MBD5: variants seen among roughly 807,000 people sequenced by gnomAD.
MBD5 encodes the protein methyl-CpG-binding domain protein 5.
A neutral mutation model predicts 117.3 loss-of-function variants in MBD5; 13 were observed. That is an observed-to-expected ratio of 0.11 (90% CI 0.07 to 0.18). The LOEUF (loss-of-function observed/expected upper bound fraction) is 0.18, where lower values mean the gene tolerates loss of function less well. Ranked by LOEUF, MBD5 falls within the 10% of genes least tolerant of loss-of-function variation. The pLI is 1.00. For missense variants in MBD5, 1,879 were observed against 2,093.8 expected (o/e 0.90, Z 2.00); for synonymous variants, 727 against 766.4 (o/e 0.95, Z 0.85).
chr2:148,358,950 C>T (rs1471832224), intron 4 of MBD5, among the ~76,000 whole-genome samples: 2 of 151,988 alleles, frequency 1.3e-5, no homozygotes, highest in African/African-American at 4.8e-5. Flanking sequence ...TTTATACCAG[C>T]CTTGGACTTC....
intron 3 of MBD5, among the ~76,000 whole-genome samples, chr2:148,322,282 C>T (rs576937709): frequency 6.6e-6 from 1 of 152,306 alleles, no homozygotes; most frequent in East Asian, 1.9e-4. Context: ...TTATAACGTT[C>T]AAGTCTAAAG....
Position 148,516,236 on chromosome 2 carries a change from A to T in MBD5, c.*3295A>T, listed in dbSNP as rs1048491867. ...TTGTTGTTAACTTTGGTAATCTTCC[A>T]TGCAGTTTGCAGTGTTCCCTTGCAA... On this transcript the variant is annotated 3_prime_UTR_variant, in exon 14 of 14. Coordinates refer to ENST00000642680, the MANE Select transcript of MBD5 (RefSeq NM_001378120.1). 3.7e-4 allele frequency: 56 copies of T among 152,224 alleles called. No individual in the cohort carries two copies. The highest frequency in any genetic ancestry group is 1.2e-3 in the African/African-American group (50 of 41,452). 9.4% of individuals were successfully genotyped at this position (152,224 alleles called of 1,614,324 possible).
chr2:148,390,149 T>G (rs1309679190), intron 4 of MBD5, among the ~76,000 whole-genome samples: 1 of 152,130 alleles, frequency 6.6e-6, no homozygotes, highest in African/African-American at 2.4e-5. Flanking sequence ...GCTAGCCAGT[T>G]TTCTCAGCAC....
intron 3 of MBD5, among the ~76,000 whole-genome samples, chr2:148,258,151 G>A (rs1374091128): frequency 6.6e-6 from 1 of 152,154 alleles, no homozygotes; most frequent in African/African-American, 2.4e-5. Context: ...GGCTGGTGAT[G>A]TGTATGTCCG....
intron 1 of MBD5, among the ~76,000 whole-genome samples, chr2:148,036,266 A>G (rs1413405969): frequency 6.6e-6 from 1 of 152,148 alleles, no homozygotes; most frequent in Non-Finnish European, 1.5e-5. Context: ...TTAGAACCCA[A>G]CATATTCCAT....
At chr2:148,410,620 A>C (rs1470073934) in intron 4 of MBD5, among the ~76,000 whole-genome samples, 2 of 152,066 alleles carry the variant, frequency 1.3e-5, no homozygotes, top group Non-Finnish European at 2.9e-5. Context: ...TTGTAGTGAC[A>C]GACTTTTTCC....
At chr2:148,473,742 G>A (rs1680869701) in intron 8 of MBD5, among the ~76,000 whole-genome samples, 1 of 152,048 alleles carries the variant, frequency 6.6e-6, no homozygotes, top group Non-Finnish European at 1.5e-5. Flanking sequence ...AAAGATAGTA[G>A]CAAAATCAGA....
intron 3 of MBD5, among the ~76,000 whole-genome samples, chr2:148,321,840 G>A (rs1010747314): frequency 2.6e-5 from 4 of 151,834 alleles, no homozygotes; most frequent in African/African-American, 9.7e-5. Context: ...CTCCTGCCTC[G>A]GCCTCCTAGA....
intron 3 of MBD5, among the ~76,000 whole-genome samples, chr2:148,305,731 T>C (rs1475080764): frequency 5.3e-5 from 8 of 152,170 alleles, no homozygotes; most frequent in African/African-American, 1.9e-4. Context: ...GCAGTTTTAG[T>C]TCTTAGTGAT....
intron 4 of MBD5, among the ~76,000 whole-genome samples, chr2:148,413,442 C>T (rs1454333702): frequency 6.6e-6 from 1 of 150,830 alleles, no homozygotes; most frequent in Non-Finnish European, 1.5e-5. Flanking sequence ...GTTGTGTCTG[C>T]CAGCTTTTGG....
Position 148,483,090 on chromosome 2 carries a change from T to TG in MBD5, c.2519-20_2519-19insG. On this transcript the variant is annotated intron_variant, in intron 8 of 13. Transcript: ENST00000642680. Reference sequence around the variant, plus strand: ...CATGATTAATAACTGGGTTTTGTGTTTTTTTTTTTTTCATTTTAGGCGGTT... The same window carrying TG: ...CATGATTAATAACTGGGTTTTGTGTTGTTTTTTTTTTTCATTTTAGGCGGTT... The TG allele has an allele frequency of 1.9e-6, 1 of 529,644 alleles. No homozygotes were observed. Among genetic ancestry groups the TG allele is most frequent in the Non-Finnish European group, 2.4e-6 (1 of 422,872 alleles). 32.8% of individuals were successfully genotyped at this position (529,644 alleles called of 1,614,324 possible).
At chr2:148,122,183 C>T (rs1246037066) in intron 1 of MBD5, among the ~76,000 whole-genome samples, 1 of 152,122 alleles carries the variant, frequency 6.6e-6, no homozygotes, top group Admixed American at 6.6e-5. Context: ...GGTAAAATAA[C>T]GTAAAGATCC....
At chr2:148,424,210 A>AAAAAAAAAAC in intron 4 of MBD5, among the ~76,000 whole-genome samples, 1 of 138,890 alleles carries the variant, frequency 7.2e-6, no homozygotes, top group Non-Finnish European at 1.6e-5. Flanking sequence ...AAAAAAAAAA[A>AAAAAAAAAAC]AAAAAACAGC....
At chr2:148,168,863 C>T (rs1437053549) in intron 1 of MBD5, among the ~76,000 whole-genome samples, 97 of 151,802 alleles carry the variant, frequency 6.4e-4, no homozygotes, top group Non-Finnish European at 5.9e-5. Flanking sequence ...TAGTCATAAA[C>T]TTCTAAAGGT....
chr2:148,453,104 A>G (rs146778997), intron 4 of MBD5, among the ~76,000 whole-genome samples: 6 of 152,180 alleles, frequency 3.9e-5, no homozygotes, highest in Non-Finnish European at 5.9e-5. Flanking sequence ...TTACATTCCA[A>G]TGGGGAGAGC....
chr2:148,170,192 C>T (rs551638806), intron 1 of MBD5, among the ~76,000 whole-genome samples: 3 of 152,196 alleles, frequency 2.0e-5, no homozygotes, highest in Non-Finnish European at 4.4e-5. Context: ...CCACCGCGCC[C>T]GGCCCGGGAT....
chr2:148,100,595 T>G (rs1251767646), intron 1 of MBD5, among the ~76,000 whole-genome samples: 1 of 152,134 alleles, frequency 6.6e-6, no homozygotes, highest in Non-Finnish European at 1.5e-5. Context: ...GCAACATTGT[T>G]TATTCGTGTG....
chr2:148,390,914 G>A (rs1401991125), intron 4 of MBD5, among the ~76,000 whole-genome samples: 6 of 152,066 alleles, frequency 3.9e-5, no homozygotes, highest in African/African-American at 1.4e-4. Flanking sequence ...TCCTATGCAC[G>A]TCCTTTTTGG....
chr2:148,383,637 G>C (rs1367480795), intron 4 of MBD5, among the ~76,000 whole-genome samples: 1 of 118,392 alleles, frequency 8.4e-6, no homozygotes, highest in Non-Finnish European at 1.7e-5. Flanking sequence ...ACCAAAGCCT[G>C]GCAGAGACAA....
Sources: gnomAD v4.1 joint callset for allele counts (sites outside exome capture counted in the v4.1 genomes callset) on GRCh38, gnomAD v4.1.1 for gene constraint, MANE v1.5 for transcripts, NCBI Gene and HGNC (gene_info 2026-07-23, HGNC 2026-07-21) for gene names.